The following AVL9 variants were observed in gnomAD, a reference collection of about 807,000 sequenced individuals.
The protein encoded by AVL9 is late secretory pathway protein AVL9 homolog.
A neutral mutation model predicts 79.2 loss-of-function variants in AVL9; 49 were observed. That is an observed-to-expected ratio of 0.62 (90% confidence interval 0.49 to 0.79). AVL9 has a LOEUF of 0.79. Among genes scored for constraint, AVL9 ranks in the 30% least tolerant of loss-of-function variants. The pLI is 0.00. For missense variants in AVL9, 682 were observed against 776.8 expected, an observed-to-expected ratio of 0.88 and a Z score of 1.45; for synonymous variants, 299 against 280.6, an observed-to-expected ratio of 1.07 and a Z score of -0.65.
At chr7:32,556,196 G>A (rs1790045083) in intron 8 of AVL9, among the ~76,000 whole-genome samples, 1 of 152,072 alleles carries the variant, frequency 6.6e-6, no homozygotes, top group South Asian at 2.1e-4. Context: ...ATATTTTTCT[G>A]TATCCTATTT....
chr7:32,547,487 T>G (rs1230184604), intron 3 of AVL9, among the ~76,000 whole-genome samples: 1 of 152,242 alleles, frequency 6.6e-6, no homozygotes, highest in Non-Finnish European at 1.5e-5. Flanking sequence ...CCGTATGTCA[T>G]GTAAGCACTA....
intron 1 of AVL9, among the ~76,000 whole-genome samples, chr7:32,512,950 G>A (rs924030707): frequency 5.2e-5 from 5 of 97,018 alleles, no homozygotes; most frequent in Non-Finnish European, 1.0e-4. Flanking sequence ...CTGAATTTGT[G>A]TATGGGATCC....
intron 1 of AVL9, among the ~76,000 whole-genome samples, chr7:32,505,812 A>C (rs1350058267): frequency 2.6e-5 from 4 of 152,164 alleles, no homozygotes; most frequent in African/African-American, 9.7e-5. Context: ...TTCTAAGCAA[A>C]CATTGTGTCT....
chr7:32,523,372 G>A (rs1490288235), intron 1 of AVL9, among the ~76,000 whole-genome samples: 3 of 151,774 alleles, frequency 2.0e-5, no homozygotes, highest in East Asian at 3.9e-4. Context: ...TAACAAAAGA[G>A]CCTTAGTCCC....
chr7:32,573,455 A>G, intron 12 of AVL9, 37 bp downstream of exon 12: 1 of 1,541,260 alleles, frequency 6.5e-7, no homozygotes, highest in South Asian at 1.1e-5. Flanking sequence ...TACCTGTTTT[A>G]TTATAATTTT....
At chr7:32,569,921 A>C in intron 10 of AVL9, 99 bp from the exon 11 acceptor site, 1 of 1,167,142 alleles carries the variant, frequency 8.6e-7, no homozygotes, top group Non-Finnish European at 1.2e-6. Flanking sequence ...AGGGCAAGGA[A>C]GAATGGAAGT....
chr7:32,517,446 C>T (rs769918861), intron 1 of AVL9, among the ~76,000 whole-genome samples: 4 of 151,922 alleles, frequency 2.6e-5, no homozygotes, highest in African/African-American at 4.8e-5. Context: ...GCTGGGATTA[C>T]AGGTGCCTGC....
chr7:32,516,748 C>T (rs1787917607), intron 1 of AVL9, among the ~76,000 whole-genome samples: 1 of 142,336 alleles, frequency 7.0e-6, no homozygotes, highest in Non-Finnish European at 1.5e-5. Flanking sequence ...CAACCCATTC[C>T]ACTAAACCCT....
intron 3 of AVL9, among the ~76,000 whole-genome samples, chr7:32,545,024 T>C (rs1789412027): frequency 6.6e-6 from 1 of 152,238 alleles, no homozygotes; most frequent in Admixed American, 6.5e-5. Context: ...ATACATAAAT[T>C]ATCTATTTGT....
At position 32,552,312 on chromosome 7, in the gene AVL9, CAAGTT is replaced by C; in HGVS notation, c.529+20_529+24del. The C allele has an allele frequency of 6.5e-7, 1 of 1,540,664 alleles. No homozygotes were observed. Among genetic ancestry groups the C allele is most frequent in the Non-Finnish European group, 8.9e-7 (1 of 1,117,908 alleles). On this transcript the variant is annotated intron_variant, in intron 6 of 15. Transcript: ENST00000318709. ...TATATCTTGGTAAGTAACTGACTTA[CAAGTT>C]AAAAGAGATCCCCTCATTTCTATTT...
chr7:32,548,806 C>A, intron 3 of AVL9, 41 bp from the exon 4 acceptor site: 1 of 1,320,512 alleles, frequency 7.6e-7, no homozygotes, highest in Non-Finnish European at 1.0e-6. Flanking sequence ...TGAAATATTG[C>A]TATGAAATAT....
chr7:32,504,532 G>T (rs574776040), intron 1 of AVL9, among the ~76,000 whole-genome samples: 16 of 152,164 alleles, frequency 1.1e-4, no homozygotes, highest in Admixed American at 2.0e-4. Context: ...GGACCTAATT[G>T]TCATTAGGTG....
intron 1 of AVL9, among the ~76,000 whole-genome samples, chr7:32,512,625 G>T (rs6462372): frequency 0.71 from 108,454 of 151,990 alleles, 38,818 homozygotes; most frequent in South Asian, 0.85. Context: ...AGTTCCTGTG[G>T]TCCCTTGGTT....
intron 3 of AVL9, among the ~76,000 whole-genome samples, chr7:32,547,271 T>C (rs1275857323): frequency 6.6e-6 from 1 of 152,258 alleles, no homozygotes; most frequent in Non-Finnish European, 1.5e-5. Context: ...AAAACCTGCA[T>C]GATTGCCATT....
intron 1 of AVL9, among the ~76,000 whole-genome samples, chr7:32,523,508 CTTTTTTTTTTTTTT>C (rs70992725): frequency 8.8e-5 from 7 of 79,278 alleles, no homozygotes; most frequent in East Asian, 4.4e-4. Context: ...TATAAATTTC[CTTTTTTTTTTTTTT>C]TTTTTTTTTT....
At chr7:32,531,429 A>ATATACATGTTCATTAACATGTATATTC in intron 1 of AVL9, among the ~76,000 whole-genome samples, 1 of 152,146 alleles carries the variant, frequency 6.6e-6, no homozygotes, top group Non-Finnish European at 1.5e-5. Flanking sequence ...ATGTATATTC[A>ATATACATGTTCATTAACATGTATATTC]TATAACGTTC....
chr7:32,521,788 A>G (rs1009991182), intron 1 of AVL9, among the ~76,000 whole-genome samples: 5 of 152,124 alleles, frequency 3.3e-5, no homozygotes, highest in East Asian at 1.9e-4. Context: ...AGCCCCTCCT[A>G]TCACAGGCCC....
chr7:32,500,800 G>C (rs1374248328), intron 1 of AVL9, among the ~76,000 whole-genome samples: 1 of 151,968 alleles, frequency 6.6e-6, no homozygotes, highest in Non-Finnish European at 1.5e-5. Context: ...GTAAGGAAGG[G>C]GTCTAGTTTC....
chr7:32,580,960 T>C, intron 15 of AVL9, 70 bp downstream of exon 15: 5 of 1,130,602 alleles, frequency 4.4e-6, no homozygotes, highest in South Asian at 4.0e-5. Context: ...TAATATGTAA[T>C]TGATAAAACA....
Sources: allele counts gnomAD v4.1 joint callset (sites outside exome capture counted in the v4.1 genomes callset), GRCh38; gene constraint gnomAD v4.1.1; transcripts MANE v1.5; gene names NCBI Gene and HGNC (gene_info 2026-07-23, HGNC 2026-07-21).